Variants in CTSA observed in about 807,000 individuals in gnomAD.
CTSA encodes cathepsin A, also known as lysosomal protective protein.
Under a neutral mutation model 66.7 loss-of-function variants are expected in CTSA, and 42 were observed. The ratio of observed to expected loss-of-function variants is 0.63; its 90% CI spans 0.49 to 0.81. CTSA has a LOEUF of 0.81. Among genes scored for constraint, CTSA ranks in the 40% least tolerant of loss-of-function variants. CTSA has a pLI of 0.00. For synonymous variants in CTSA, 225 were observed against 248.6 expected (o/e 0.91, Z 0.89); for missense variants, 525 against 610.9 (o/e 0.86, Z 1.48).
In CTSA at chr20:45,898,490, C is replaced by T. The variant is rs1235525660; in HGVS notation, c.*40C>T. 6.3e-7 allele frequency: 1 copy of T among 1,581,490 alleles called. No individual in the cohort carries two copies. Among genetic ancestry groups the T allele is most frequent in the East Asian group, 2.2e-5 (1 of 44,658 alleles). The stretch of plus-strand genomic sequence containing the variant: ...AGCTCCACGGCCTGATGCAGCCCCT[C>T]CCAGCCTCTCCCGCTAGGAGAGTCC... On this transcript the variant is annotated 3_prime_UTR_variant, in exon 15 of 15. Coordinates refer to ENST00000646241, the MANE Select transcript of CTSA (RefSeq NM_000308.4). This position sits in a 1 kb window ranked among gnomAD's most constrained non-coding sequence, Gnocchi z 4.6.
At chr20:45,892,932 C>G (rs568729168) in intron 6 of CTSA, 52 bp downstream of exon 6, 6 of 1,602,744 alleles carry the variant, frequency 3.7e-6, no homozygotes, top group East Asian at 4.5e-5. Context: ...TGTGGCCTTA[C>G]AGTTAGCAAG....
chr20:45,895,993 G>A (rs1032686416), intron 11 of CTSA, among the ~76,000 whole-genome samples: 4 of 152,208 alleles, frequency 2.6e-5, no homozygotes, highest in Admixed American at 6.5e-5. Context: ...TCAGGAGTTC[G>A]AGACCAGCCT....
chr20:45,898,169 G>T lies in CTSA; in HGVS notation c.1359+60G>T. ...GGAGGCAAAGGAGCAGGACCCACCC[G>T]TCCTTTCCCTCTGGCTGCCTTTTAG... On this transcript the variant is annotated intron_variant, in intron 14 of 14. Coordinates refer to ENST00000646241, the MANE Select transcript of CTSA (RefSeq NM_000308.4). This position sits in a 1 kb window ranked among gnomAD's most constrained non-coding sequence, Gnocchi z 4.6. 6.4e-7 allele frequency: 1 copy of T among 1,550,936 alleles called. No individual in the cohort carries two copies. The highest frequency in any genetic ancestry group is 2.3e-5 in the East Asian group (1 of 44,372).
chr20:45,896,248 C>CCG (rs977561608), intron 11 of CTSA: 6 of 150,976 alleles, frequency 4.0e-5, no homozygotes, highest in East Asian at 3.9e-4. Flanking sequence ...GTGGCCACCC[C>CCG]CCCCCACAAC....
intron 5 of CTSA, 23 bp downstream of exon 5, chr20:45,892,507 T>C (rs1477180246): frequency 2.5e-6 from 4 of 1,606,600 alleles, no homozygotes. Context: ...CCTGCCCATC[T>C]GCCCCAGGCT....
chr20:45,892,687 G>T (rs751134491), intron 5 of CTSA, 38 bp from the exon 6 acceptor site: 7 of 1,613,814 alleles, frequency 4.3e-6, no homozygotes, highest in Non-Finnish European at 5.9e-6. Context: ...AAATACCAAA[G>T]CTTCCTGATT....
chr20:45,892,357 T>C lies in CTSA; in HGVS notation c.357+34T>C, dbSNP rs747959542. The C allele has an allele frequency of 1.2e-5, 19 of 1,613,938 alleles. No homozygotes were observed. In the South Asian group the frequency reaches 2.0e-4, roughly 17 times the overall value. ...GGAGCTGTGGGTGTGTCTGGGCACT[T>C]GGATGGGGTGGCATTTAGCTAATTT... On this transcript the variant is annotated intron_variant, in intron 4 of 14. Transcript: ENST00000646241.
rs2083130244 is a variant in CTSA at position 45,898,039 on chromosome 20, A to G, written c.1289A>G (p.Tyr430Cys). The G allele has an allele frequency of 6.2e-7, 1 of 1,613,910 alleles. No homozygotes were observed. The highest frequency in any genetic ancestry group is 1.7e-5 in the Admixed American group (1 of 59,990). ...CAGCGCCGGCCCTGGTTAGTGAAGT[A>G]CGGGGACAGCGGGGAGCAGATTGCC... Reference protein sequence around the residue: ...EVQRRPWLVKYGDSGEQIAGF... With the variant: ...EVQRRPWLVKCGDSGEQIAGF... The change falls in exon 14 of 15, where the codon TAC (tyrosine) becomes TGC (cysteine). Residue 430 changes from tyrosine to cysteine, a missense_variant. Coordinates refer to ENST00000646241, the MANE Select transcript of CTSA (RefSeq NM_000308.4). The surrounding 1 kb of genome is among the most constrained non-coding windows in gnomAD (Gnocchi z 4.6).
chr20:45,896,255 CA>C (rs1386027059), intron 11 of CTSA: 1 of 151,260 alleles, frequency 6.6e-6, no homozygotes, highest in East Asian at 2.0e-4. Flanking sequence ...CCCCCCCCCA[CA>C]ACCCCAAGTA....
At chr20:45,897,435 T>C in intron 12 of CTSA, 2 of 502,370 alleles carry the variant, frequency 4.0e-6, no homozygotes, top group South Asian at 4.1e-5. Flanking sequence ...ATGGCCTGGG[T>C]GCAAGTCCCT....
chr20:45,892,054 A>G lies in CTSA; in HGVS notation c.306+27A>G, dbSNP rs368631779. Reference sequence around the variant, plus strand: ...TGAGTGGACAGCAGGGGGAAAGCACAGTTCCCAAAGTAAAAGGCTGGGGAA... The same window carrying G: ...TGAGTGGACAGCAGGGGGAAAGCACGGTTCCCAAAGTAAAAGGCTGGGGAA... On this transcript the variant is annotated intron_variant, in intron 3 of 14. Transcript: ENST00000646241. 4.0e-5 allele frequency: 63 copies of G among 1,587,174 alleles called. No homozygotes were observed. The African/African-American group carries it at 5.5e-4, about 14-fold the overall frequency.
At chr20:45,893,942 T>A in intron 7 of CTSA, 46 bp from the exon 8 acceptor site, 1 of 1,264,056 alleles carries the variant, frequency 7.9e-7, no homozygotes, top group Non-Finnish European at 1.2e-6. Context: ...TCTGCCTTCC[T>A]CTTCCCACCA....
Position 45,898,136 on chromosome 20 carries a change from A to G in CTSA, c.1359+27A>G. 6.2e-7 allele frequency: 1 copy of G among 1,604,664 alleles called. No individual in the cohort carries two copies. Among genetic ancestry groups the G allele is most frequent in the Non-Finnish European group, 8.5e-7 (1 of 1,171,540 alleles). ...TAGGGACTGGGCCTGCTGAGAGATA[A>G]CTGGGCCGGAGGCAAAGGAGCAGGA... On this transcript the variant is annotated intron_variant, in intron 14 of 14. Transcript: ENST00000646241. The surrounding 1 kb of genome is among the most constrained non-coding windows in gnomAD (Gnocchi z 4.6).
chr20:45,894,763 T>C (rs1987150316), intron 9 of CTSA, 22 bp downstream of exon 9: 23 of 1,612,918 alleles, frequency 1.4e-5, no homozygotes, highest in Non-Finnish European at 1.9e-5. Context: ...TGGGTGCCCC[T>C]GGAGCCAACC....
intron 11 of CTSA, chr20:45,896,244 A>AC (rs58016224): frequency 0.036 from 4,887 of 136,422 alleles, 163 homozygotes; most frequent in African/African-American, 0.088. Flanking sequence ...TCCTGTGGCC[A>AC]CCCCCCCCCA....
In CTSA at chr20:45,895,081, G is replaced by A. The variant is rs137941635; in HGVS notation, c.1036G>A (p.Val346Met). 8.0e-5 allele frequency: 129 copies of A among 1,614,150 alleles called. No individual in the cohort carries two copies. In the East Asian group the frequency reaches 2.2e-3, roughly 28 times the overall value. The change falls in exon 11 of 15, where the codon GTG becomes ATG. Residue 346 changes from valine (V) to methionine (M), a missense_variant. By Grantham distance (21) the Val-to-Met change is conservative. This residue lies in a region of CTSA where 274 missense variants were observed against 321.1 expected (regional missense o/e 0.85). Transcript: ENST00000646241. ...TTCCACCTACCTCAACAACCCGTAC[G>A]TGCGGAAGGCCCTCAACATCCCGGA... is the stretch of plus-strand genomic sequence containing the variant. ...AASTYLNNPY[V>M]RKALNIPEQL...
intron 12 of CTSA, 115 bp from the exon 13 acceptor site, chr20:45,897,602 G>GCC (rs2083124455): frequency 2.7e-6 from 2 of 740,998 alleles, no homozygotes; most frequent in Non-Finnish European, 5.0e-6. Flanking sequence ...AAATTCCCTG[G>GCC]TTCGTGTTAT....
chr20:45,895,386 T>G (rs547083456), intron 11 of CTSA: 6 of 491,362 alleles, frequency 1.2e-5, no homozygotes. Flanking sequence ...AGTGGTGTGA[T>G]CATAGCTCAC....
intron 5 of CTSA, 54 bp downstream of exon 5, chr20:45,892,538 C>A: frequency 6.4e-7 from 1 of 1,565,300 alleles, no homozygotes; most frequent in African/African-American, 1.4e-5. Context: ...CCATCCATGG[C>A]ATGATGCTGG....
Sources: gnomAD v4.1 joint callset for allele counts (sites outside exome capture counted in the v4.1 genomes callset) on GRCh38, gnomAD v4.1.1 for gene constraint, gnomAD v4.1.1 regional missense constraint, Gnocchi (gnomAD v3.1) non-coding constraint, MANE v1.5 for transcripts, NCBI Gene and HGNC (gene_info 2026-07-23, HGNC 2026-07-21) for gene names.